The following UBR3 variants were observed in gnomAD, a reference collection of about 807,000 sequenced individuals.
The protein encoded by UBR3 is ubiquitin protein ligase E3 component n-recognin 3.
Under a neutral mutation model 243.2 loss-of-function variants are expected in UBR3, and 85 were observed. The observed-to-expected ratio is 0.35, with a 90% CI of 0.29 to 0.42. The LOEUF is 0.42. UBR3 is among the 10% of genes least tolerant of loss of function. UBR3 has a pLI of 1.00. For missense variants in UBR3, 1,686 were observed against 2,300.8 expected, an observed-to-expected ratio of 0.73 and a Z score of 5.47; for synonymous variants, 748 against 799.8, an observed-to-expected ratio of 0.94 and a Z score of 1.09.
intron 5 of UBR3, among the ~76,000 whole-genome samples, chr2:169,882,933 T>C (rs1418241577): frequency 6.6e-6 from 1 of 152,194 alleles, no homozygotes; most frequent in Admixed American, 6.6e-5. Context: ...GGCTAGTGAA[T>C]GCCGTCTAGT....
chr2:169,954,824 C>T (rs1444832749), intron 23 of UBR3, among the ~76,000 whole-genome samples: 14 of 152,122 alleles, frequency 9.2e-5, no homozygotes, highest in African/African-American at 3.1e-4. Context: ...CCACCCGTCT[C>T]GGCATCCCAA....
chr2:170,035,868 C>A (rs2090812337), intron 31 of UBR3, among the ~76,000 whole-genome samples: 1 of 122,916 alleles, frequency 8.1e-6, no homozygotes, highest in Non-Finnish European at 1.6e-5. Flanking sequence ...TTAAATAGAT[C>A]TTTGCATATT....
intron 28 of UBR3, 107 bp downstream of exon 28, chr2:170,007,297 G>T: frequency 2.4e-6 from 3 of 1,235,830 alleles, no homozygotes; most frequent in Non-Finnish European, 3.3e-6. Flanking sequence ...ATATTTAGTA[G>T]AAATTGCTTT....
At chr2:170,001,553 A>T (rs929286240) in intron 27 of UBR3, 139 bp downstream of exon 27, 4 of 588,076 alleles carry the variant, frequency 6.8e-6, no homozygotes, top group African/African-American at 5.6e-5. Flanking sequence ...TCTCACTTTA[A>T]CACAGACCTG....
At chr2:169,963,296 T>G (rs1360323889) in intron 24 of UBR3, among the ~76,000 whole-genome samples, 2 of 152,184 alleles carry the variant, frequency 1.3e-5, no homozygotes, top group African/African-American at 4.8e-5. Context: ...GTGCTGATTC[T>G]GAGCCCAGAG....
chr2:169,993,008 A>T (rs150331389), intron 25 of UBR3, among the ~76,000 whole-genome samples: 275 of 152,228 alleles, frequency 1.8e-3, no homozygotes, highest in African/African-American at 6.3e-3. Context: ...TAGTCTGTCC[A>T]CCTTGGCCTC....
chr2:169,828,482 A>T (rs1188649114), intron 1 of UBR3, among the ~76,000 whole-genome samples: 1 of 151,490 alleles, frequency 6.6e-6, no homozygotes, highest in Non-Finnish European at 1.5e-5. Context: ...GTTATTGGGG[A>T]CCGTATTGGC....
At chr2:170,033,747 C>A (rs1002869597) in intron 31 of UBR3, among the ~76,000 whole-genome samples, 1 of 151,492 alleles carries the variant, frequency 6.6e-6, no homozygotes, top group African/African-American at 2.4e-5. Context: ...ATATAAAATT[C>A]TATATCTGAG....
At chr2:169,874,051 G>GA (rs1303818279) in intron 2 of UBR3, among the ~76,000 whole-genome samples, 2 of 152,030 alleles carry the variant, frequency 1.3e-5, no homozygotes, top group Non-Finnish European at 2.9e-5. Flanking sequence ...AAACACGAAG[G>GA]AAAAAATGGA....
At chr2:170,076,912 G>A (rs1406491180) in intron 36 of UBR3, among the ~76,000 whole-genome samples, 1 of 152,148 alleles carries the variant, frequency 6.6e-6, no homozygotes, top group Non-Finnish European at 1.5e-5. Flanking sequence ...TCTACCAATT[G>A]TATGGCAATA....
At chr2:170,074,531 T>A (rs2091765738) in intron 36 of UBR3, among the ~76,000 whole-genome samples, 1 of 152,174 alleles carries the variant, frequency 6.6e-6, no homozygotes, top group Non-Finnish European at 1.5e-5. Flanking sequence ...CCCTCTGCCA[T>A]TACCTTGCTC....
At chr2:169,851,383 C>T (rs972533968) in intron 1 of UBR3, among the ~76,000 whole-genome samples, 2 of 152,324 alleles carry the variant, frequency 1.3e-5, no homozygotes, top group South Asian at 2.1e-4. Context: ...CCTGCCTCAA[C>T]CTCCCAAAGC....
chr2:169,839,189 C>T (rs1256975356), intron 1 of UBR3, among the ~76,000 whole-genome samples: 2 of 152,136 alleles, frequency 1.3e-5, no homozygotes, highest in African/African-American at 4.8e-5. Flanking sequence ...TATTCAGCCA[C>T]AAAAATAATG....
At chr2:169,955,337 CT>C (rs1460642653) in intron 23 of UBR3, among the ~76,000 whole-genome samples, 3 of 151,958 alleles carry the variant, frequency 2.0e-5, no homozygotes, top group African/African-American at 7.3e-5. Context: ...TCATGGGTTC[CT>C]ATTTTATTTT....
chr2:169,960,549 C>T (rs1208639132), intron 24 of UBR3, among the ~76,000 whole-genome samples: 3 of 151,936 alleles, frequency 2.0e-5, no homozygotes, highest in Non-Finnish European at 4.4e-5. Flanking sequence ...TCTCTCTCTT[C>T]TTTACAAAAA....
rs148192723 is a variant in UBR3, at chr2:169,976,066, C to T, written c.3635-10579C>T. On this transcript the variant is annotated intron_variant, in intron 24 of 38. Coordinates refer to ENST00000272793, the MANE Select transcript of UBR3 (RefSeq NM_172070.4). Reference sequence around the variant, plus strand: ...TACTTTCAGTTTATATGTGTTTTTACTGGCAAAGTGAATTTCTTGTAGGCA... The same window carrying T: ...TACTTTCAGTTTATATGTGTTTTTATTGGCAAAGTGAATTTCTTGTAGGCA... Among the ~76,000 whole-genome samples, 616 of 149,606 alleles carry T rather than the reference C, an allele frequency of 4.1e-3. 5 individuals carry two copies. Among genetic ancestry groups the T allele is most frequent in the African/African-American group, 0.014 (576 of 40,714 alleles).
intron 33 of UBR3, among the ~76,000 whole-genome samples, chr2:170,056,483 A>G (rs1448029101): frequency 6.6e-6 from 1 of 152,234 alleles, no homozygotes; most frequent in Admixed American, 6.5e-5. Flanking sequence ...GAGATACTAT[A>G]GAGTTATAGA....
intron 5 of UBR3, among the ~76,000 whole-genome samples, chr2:169,886,437 C>A (rs1300176006): frequency 1.3e-5 from 2 of 152,270 alleles, no homozygotes; most frequent in African/African-American, 4.8e-5. Flanking sequence ...TTATTAAATT[C>A]TTCTCAATAT....
intron 19 of UBR3, among the ~76,000 whole-genome samples, chr2:169,934,413 A>T (rs1386994067): frequency 6.6e-6 from 1 of 152,212 alleles, no homozygotes; most frequent in Non-Finnish European, 1.5e-5. Flanking sequence ...GCTTTGAAGG[A>T]ATCATTAAAT....
Sources: gnomAD v4.1 joint callset for allele counts (sites outside exome capture counted in the v4.1 genomes callset) on GRCh38, gnomAD v4.1.1 for gene constraint, MANE v1.5 for transcripts, NCBI Gene and HGNC (gene_info 2026-07-23, HGNC 2026-07-21) for gene names.